PRDM15: variants seen among roughly 807,000 people sequenced by gnomAD.
The protein encoded by PRDM15 is PR/SET domain 15.
PRDM15 carries 64 observed loss-of-function variants against 128.6 expected under a neutral mutation model. The observed-to-expected ratio is 0.50, with a 90% CI of 0.41 to 0.61. The LOEUF (loss-of-function observed/expected upper bound fraction) is 0.61. Ranked by LOEUF, PRDM15 falls within the 20% of genes least tolerant of loss-of-function variation. The probability of loss-of-function intolerance (pLI) is 0.00; values close to 1 mark genes in which losing one functional copy is unlikely to be tolerated. For missense variants in PRDM15, 1,242 were observed against 1,569.1 expected (o/e 0.79, Z 3.52); for synonymous variants, 615 against 621.8 (o/e 0.99, Z 0.16).
rs1342341273 is a variant in PRDM15 at position 41,859,040 on chromosome 21, G to T, written c.131+552C>A. 1 of 1,558,120 alleles carries T rather than the reference G, an allele frequency of 6.4e-7. No individual in the cohort carries two copies. The highest frequency in any genetic ancestry group is 1.9e-5 in the Admixed American group (1 of 51,526). The stretch of plus-strand genomic sequence containing the variant: ...CCTTGTCCAAGCTCACCTGCCCTGG[G>T]CCACCAGGTGGCACAGCCTCCCCCA... On this transcript the variant is annotated intron_variant, in intron 3 of 23. Coordinates refer to ENST00000398548, the MANE Select transcript of PRDM15 (RefSeq NM_001040424.3). This position sits in a 1 kb window ranked among gnomAD's most constrained non-coding sequence, Gnocchi z 5.3.
At chr21:41,855,024 A>G (rs114601128) in intron 4 of PRDM15, among the ~76,000 whole-genome samples, 134 of 152,340 alleles carry the variant, frequency 8.8e-4, no homozygotes, top group African/African-American at 2.9e-3. Flanking sequence ...CAGGTTAGTC[A>G]CAGGCAAAAG....
chr21:41,860,017 G>C (rs2063762309), intron 2 of PRDM15, among the ~76,000 whole-genome samples: 1 of 152,112 alleles, frequency 6.6e-6, no homozygotes, highest in African/African-American at 2.4e-5. Flanking sequence ...GAGCATAAAT[G>C]AAAATGGCCA....
Position 41,879,158 on chromosome 21 carries a change from C to A in PRDM15, c.-10+112G>T. 1.3e-6 allele frequency: 1 copy of A among 782,688 alleles called. No homozygotes were observed. The highest frequency in any genetic ancestry group is 1.5e-6 in the Non-Finnish European group (1 of 654,588). The allele number at this position is 782,688 out of a possible 1,614,324, so 48.5% of individuals were successfully genotyped here. ...GCGCGCGGCTGCCGGGCGCGGGGGG[C>A]GGGGGGCAGCGGGCCCAGGGCGCGC... On this transcript the variant is annotated intron_variant, in intron 1 of 23. Coordinates refer to ENST00000398548, the MANE Select transcript of PRDM15 (RefSeq NM_001040424.3). This position sits in a 1 kb window ranked among gnomAD's most constrained non-coding sequence, Gnocchi z 5.1.
At chr21:41,803,033 G>A in intron 22 of PRDM15, 112 bp from the exon 23 acceptor site, 5 of 801,830 alleles carry the variant, frequency 6.2e-6, no homozygotes, top group East Asian at 2.4e-5. Flanking sequence ...GGGGACGCTT[G>A]TGGGCCACCG....
At chr21:41,808,779 C>T (rs1452341185) in intron 21 of PRDM15, among the ~76,000 whole-genome samples, 1 of 152,212 alleles carries the variant, frequency 6.6e-6, no homozygotes, top group African/African-American at 2.4e-5. Context: ...GAGCATTTCA[C>T]AATTTCAGAT....
Position 41,821,169 on chromosome 21 carries a change from C to A in PRDM15, c.1958G>T (p.Gly653Val), listed in dbSNP as rs747547379. 4.3e-6 allele frequency: 7 copies of A among 1,614,094 alleles called. No individual in the cohort carries two copies. The East Asian group carries it at 1.6e-4, about 36-fold the overall frequency. ...KHIMEVHKEK[G>V]YGCSICNRRF... Reference sequence around the variant, plus strand: ...CCGGTTGCAGATGCTGCAGCCATAGCCCTTCTCCTTGTGCACCTCCATGAT... The same window carrying A: ...CCGGTTGCAGATGCTGCAGCCATAGACCTTCTCCTTGTGCACCTCCATGAT... The change falls in exon 16 of 24, where the codon GGC becomes GTC. Residue 653 changes from glycine (G) to valine (V), a missense_variant. This residue lies in a region of PRDM15 where 602 missense variants were observed against 788.3 expected (regional missense o/e 0.76). Transcript: ENST00000398548. This position sits in a 1 kb window ranked among gnomAD's most constrained non-coding sequence, Gnocchi z 5.4.
intron 17 of PRDM15, 48 bp from the exon 18 acceptor site, chr21:41,819,749 C>T (rs201382747): frequency 3.2e-6 from 5 of 1,557,310 alleles, no homozygotes; most frequent in Admixed American, 3.7e-5. Flanking sequence ...CTCCGACCTG[C>T]AGTGGCTGCA....
At chr21:41,835,340 A>T in intron 11 of PRDM15, 97 bp downstream of exon 11, 1 of 1,010,422 alleles carries the variant, frequency 9.9e-7, no homozygotes, top group Non-Finnish European at 1.5e-6. Context: ...ATTCATGAAA[A>T]CAATCTTTAC....
At chr21:41,839,270 C>A (rs1227619478) in intron 7 of PRDM15, among the ~76,000 whole-genome samples, 2 of 152,168 alleles carry the variant, frequency 1.3e-5, no homozygotes, top group Non-Finnish European at 2.9e-5. Flanking sequence ...CAGACAGAGT[C>A]CATTCGTGAG....
At chr21:41,857,980 G>A (rs75842361) in intron 3 of PRDM15, among the ~76,000 whole-genome samples, 2,579 of 152,298 alleles carry the variant, frequency 0.017, 41 homozygotes, top group East Asian at 0.059. Flanking sequence ...GAAAGACAGT[G>A]CCAACAGGTG....
intron 1 of PRDM15, among the ~76,000 whole-genome samples, chr21:41,874,525 ATTTT>A (rs61045274): frequency 2.3e-4 from 22 of 95,828 alleles, no homozygotes; most frequent in African/African-American, 8.7e-4. Flanking sequence ...ATATATATAT[ATTTT>A]TTTTTTTTTT....
intron 21 of PRDM15, among the ~76,000 whole-genome samples, chr21:41,805,958 T>C (rs1236390713): frequency 3.1e-5 from 4 of 129,180 alleles, no homozygotes; most frequent in Admixed American, 8.4e-5. Context: ...CCACGTGGCA[T>C]CACCACCACT....
chr21:41,843,882 G>C (rs1282676552), intron 6 of PRDM15, among the ~76,000 whole-genome samples: 1 of 150,418 alleles, frequency 6.6e-6, no homozygotes, highest in African/African-American at 2.4e-5. Flanking sequence ...CCATGAGTTT[G>C]AGGCTGCAAT....
Position 41,798,998 on chromosome 21 carries a change from T to A in PRDM15, c.*2242A>T, listed in dbSNP as rs2061359117. On this transcript the variant is annotated 3_prime_UTR_variant, in exon 24 of 24. Transcript: ENST00000398548. The stretch of plus-strand genomic sequence containing the variant: ...TAGAGTTCTCACTTATAACAAGAAG[T>A]AAGAGGTGTCTGTGTATTGAGATAA... 6.6e-6 allele frequency: 1 copy of A among 152,194 alleles called. No individual in the cohort carries two copies. The highest frequency in any genetic ancestry group is 1.5e-5 in the Non-Finnish European group (1 of 68,038). The allele number at this position is 152,194 out of a possible 1,614,324, so 9.4% of individuals were successfully genotyped here.
At chr21:41,835,212 CA>C (rs2062831758) in intron 11 of PRDM15, among the ~76,000 whole-genome samples, 1 of 152,206 alleles carries the variant, frequency 6.6e-6, no homozygotes, top group East Asian at 1.9e-4. Context: ...GCTCGGCTGA[CA>C]AATGCAGGAA....
intron 19 of PRDM15, among the ~76,000 whole-genome samples, chr21:41,815,206 G>C (rs946909900): frequency 6.6e-6 from 1 of 152,164 alleles, no homozygotes; most frequent in African/African-American, 2.4e-5. Flanking sequence ...TTGACCTGTC[G>C]CGTCACCGAC....
intron 1 of PRDM15, among the ~76,000 whole-genome samples, chr21:41,868,037 CAAAA>C (rs35935542): frequency 3.8e-5 from 5 of 130,782 alleles, no homozygotes; most frequent in Non-Finnish European, 5.0e-5. Flanking sequence ...AACATTGTCT[CAAAA>C]AAAAAAAAAA....
chr21:41,802,455 G>T (rs73373467), intron 23 of PRDM15, among the ~76,000 whole-genome samples: 1 of 152,126 alleles, frequency 6.6e-6, no homozygotes, highest in African/African-American at 2.4e-5. Context: ...ATTGCCACCC[G>T]GGCAGGGATA....
chr21:41,817,625 A>C (rs1430663671), intron 18 of PRDM15, among the ~76,000 whole-genome samples: 1 of 152,220 alleles, frequency 6.6e-6, no homozygotes, highest in African/African-American at 2.4e-5. Flanking sequence ...GGTTATATGA[A>C]TCGTACGAAG....
Sources: gnomAD v4.1 joint callset for allele counts (sites outside exome capture counted in the v4.1 genomes callset) on GRCh38, gnomAD v4.1.1 for gene constraint, gnomAD v4.1.1 regional missense constraint, Gnocchi (gnomAD v3.1) non-coding constraint, MANE v1.5 for transcripts, NCBI Gene and HGNC (gene_info 2026-07-23, HGNC 2026-07-21) for gene names.